The following PTPRF variants were observed in gnomAD, a reference collection of about 807,000 sequenced individuals.
The protein encoded by PTPRF is receptor-type tyrosine-protein phosphatase F.
In PTPRF, 59 loss-of-function variants were observed where a neutral mutation model predicts 201.8. That is an observed-to-expected ratio of 0.29 (90% confidence interval 0.24 to 0.36). The LOEUF (loss-of-function observed/expected upper bound fraction) is 0.36, where lower values mean the gene tolerates loss of function less well. Among genes scored for constraint, PTPRF ranks in the 10% least tolerant of loss-of-function variants. PTPRF has a pLI of 1.00. For synonymous variants in PTPRF, 1,088 were observed against 1,089.7 expected (o/e 1.00, Z 0.03); for missense variants, 2,132 against 2,690.5 (o/e 0.79, Z 4.59).
upstream of PTPRF, among the ~76,000 whole-genome samples, chr1:43,523,845 C>G (rs576570223): frequency 6.6e-6 from 1 of 150,700 alleles, no homozygotes; most frequent in East Asian, 2.0e-4. Context: ...GCCAGGAGTT[C>G]AAGGCCAGCC....
At chr1:43,557,861 T>C (rs374479798) in intron 5 of PTPRF, among the ~76,000 whole-genome samples, 1 of 152,156 alleles carries the variant, frequency 6.6e-6, no homozygotes, top group East Asian at 1.9e-4. Flanking sequence ...GACAAAATGC[T>C]GACTTATCCT....
At chr1:43,612,772 C>T in intron 22 of PTPRF, 1 of 1,365,882 alleles carries the variant, frequency 7.3e-7, no homozygotes, top group Non-Finnish European at 9.8e-7. Flanking sequence ...CTGCAGGTTC[C>T]AGTGTCCCCA....
At chr1:43,596,961 G>A (rs905672087) in intron 11 of PTPRF, among the ~76,000 whole-genome samples, 2 of 152,096 alleles carry the variant, frequency 1.3e-5, no homozygotes, top group African/African-American at 4.8e-5. Context: ...GTGTATATGT[G>A]AGTCTGTGTG....
At position 43,622,143 on chromosome 1, in the gene PTPRF, T is replaced by C; in HGVS notation, c.*140T>C. On this transcript the variant is annotated 3_prime_UTR_variant, in exon 34 of 34. Coordinates refer to ENST00000359947, the MANE Select transcript of PTPRF (RefSeq NM_002840.5). ...AGCACAGCCCACGGGGATCACAGCG[T>C]TTCAGGAACGTTGCCACACCAATCA... is the stretch of plus-strand genomic sequence containing the variant. The C allele has an allele frequency of 1.1e-6, 1 of 884,788 alleles. No individual in the cohort carries two copies. The highest frequency in any genetic ancestry group is 2.6e-5 in the East Asian group (1 of 38,844). 54.8% of individuals were successfully genotyped at this position (884,788 alleles called of 1,614,324 possible).
In PTPRF at chr1:43,553,021, G is replaced by A. The variant is rs758471016; in HGVS notation, c.92-471G>A. Among the ~76,000 whole-genome samples, 1 of 152,130 alleles carries A rather than the reference G, an allele frequency of 6.6e-6. No individual in the cohort carries two copies. The highest frequency in any genetic ancestry group is 1.5e-5 in the Non-Finnish European group (1 of 68,014). ...AGTCTCGGTTCCTGGCCGGAGCCCCGGGGTGGATGGTGGTGCCATCACTGA... is the reference window on the plus strand; with the variant it reads ...AGTCTCGGTTCCTGGCCGGAGCCCCAGGGTGGATGGTGGTGCCATCACTGA... On this transcript the variant is annotated intron_variant, in intron 3 of 33. Transcript: ENST00000359947. This position sits in a 1 kb window ranked among gnomAD's most constrained non-coding sequence, Gnocchi z 4.1.
chr1:43,619,927 G>C lies in PTPRF; in HGVS notation c.5111+69G>C, dbSNP rs921615354. 10 of 1,580,042 alleles carry C rather than the reference G, an allele frequency of 6.3e-6. No individual in the cohort carries two copies. The African/African-American group carries it at 1.3e-4, about 21-fold the overall frequency. Reference sequence around the variant, plus strand: ...AGGCCTGTGCCTGGCTGGTGGGGGTGGGCAGCAGAGTAGGGCCAGCCTAGA... The same window carrying C: ...AGGCCTGTGCCTGGCTGGTGGGGGTCGGCAGCAGAGTAGGGCCAGCCTAGA... On this transcript the variant is annotated intron_variant, in intron 29 of 33. Coordinates refer to ENST00000359947, the MANE Select transcript of PTPRF (RefSeq NM_002840.5).
intron 23 of PTPRF, among the ~76,000 whole-genome samples, chr1:43,615,559 T>TTTC (rs1657579787): frequency 1.6e-5 from 1 of 60,838 alleles, no homozygotes; most frequent in African/African-American, 5.8e-5. Context: ...GTCTTTTTTT[T>TTTC]TTTTTTTTTT....
chr1:43,574,044 T>C (rs1015920799), intron 6 of PTPRF, among the ~76,000 whole-genome samples: 3 of 129,124 alleles, frequency 2.3e-5, no homozygotes, highest in Non-Finnish European at 4.7e-5. Flanking sequence ...GTACCTAGGC[T>C]GGAGTGCAAT....
At chr1:43,582,056 C>T (rs1647804539) in intron 7 of PTPRF, among the ~76,000 whole-genome samples, 1 of 152,216 alleles carries the variant, frequency 6.6e-6, no homozygotes. Flanking sequence ...ACTCTCTTCA[C>T]CTGTGTCCAC....
In PTPRF at chr1:43,605,607, A is replaced by C; in HGVS notation, c.3468A>C (p.Glu1156Asp). The change falls in exon 19 of 34, where the codon GAA becomes GAC. Residue 1156 changes from glutamate (E) to aspartate (D), a missense_variant. This residue lies in a region of PTPRF where 818 missense variants were observed against 915.3 expected (regional missense o/e 0.89). Coordinates refer to ENST00000359947, the MANE Select transcript of PTPRF (RefSeq NM_002840.5). ...MLTPRWSTPE[E>D]LELDELLEAI... is the part of the protein sequence containing the mutation. ...CGCCAAGGTGGAGCACACCCGAGGA[A>C]CTGGAGCTGGACGAGGTACCTGGGG... 1.9e-6 allele frequency: 3 copies of C among 1,614,076 alleles called. No homozygotes were observed. The African/African-American group carries it at 4.0e-5, about 22-fold the overall frequency.
At chr1:43,560,424 A>T (rs1645726098) in intron 5 of PTPRF, among the ~76,000 whole-genome samples, 1 of 151,446 alleles carries the variant, frequency 6.6e-6, no homozygotes, top group African/African-American at 2.4e-5. Flanking sequence ...AGTGCACAGC[A>T]GGTGATGTGC....
chr1:43,605,638 A>T lies in PTPRF; in HGVS notation c.3483+16A>T, dbSNP rs1387516950. ...GCTGGACGAGGTACCTGGGGAGGGG[A>T]TGGGGACACTGACAGCCCCATTGCA... On this transcript the variant is annotated intron_variant, in intron 19 of 33. Coordinates refer to ENST00000359947, the MANE Select transcript of PTPRF (RefSeq NM_002840.5). 2 of 1,610,544 alleles carry T rather than the reference A, an allele frequency of 1.2e-6. No homozygotes were observed. The highest frequency in any genetic ancestry group is 2.2e-5 in the South Asian group (2 of 90,966).
At chr1:43,579,261 C>G in intron 7 of PTPRF, 1 of 527,226 alleles carries the variant, frequency 1.9e-6, no homozygotes, top group Middle Eastern at 2.9e-4. Context: ...TGTGTGCACA[C>G]ACGGGCACAC....
chr1:43,577,807 C>T (rs1389553797), intron 6 of PTPRF, among the ~76,000 whole-genome samples: 1 of 152,172 alleles, frequency 6.6e-6, no homozygotes. Context: ...TTGGACCGTC[C>T]TGTGTGGGTG....
Position 43,617,313 on chromosome 1 carries a change from T to TA in PTPRF, c.4072-131dup, listed in dbSNP as rs1442331555. 12 of 1,319,436 alleles carry TA rather than the reference T, an allele frequency of 9.1e-6. No individual in the cohort carries two copies. The Admixed American group carries it at 2.5e-4, about 28-fold the overall frequency. The allele number at this position is 1,319,436 out of a possible 1,614,324, so 81.7% of individuals were successfully genotyped here. On this transcript the variant is annotated intron_variant, in intron 23 of 33. Transcript: ENST00000359947. ...GAGCTCCATGGCTGGCACCACGAGA[T>TA]AGAGGGCCTGGCTGTGGCCTGTGGA...
At chr1:43,582,931 AG>A (rs1648107057) in intron 7 of PTPRF, among the ~76,000 whole-genome samples, 1 of 152,016 alleles carries the variant, frequency 6.6e-6, no homozygotes, top group African/African-American at 2.4e-5. Flanking sequence ...TGTGTGTGCG[AG>A]GGGGCACAGG....
chr1:43,570,630 G>A (rs1412086897), intron 6 of PTPRF, among the ~76,000 whole-genome samples: 2 of 152,230 alleles, frequency 1.3e-5, no homozygotes, highest in African/African-American at 4.8e-5. Flanking sequence ...GGGCCTGCAG[G>A]CTTCAGAGGT....
chr1:43,533,293 G>T (rs1271134033), intron 1 of PTPRF, among the ~76,000 whole-genome samples: 1 of 152,184 alleles, frequency 6.6e-6, no homozygotes, highest in Non-Finnish European at 1.5e-5. Context: ...AAGAGAGGAG[G>T]GGGTGGTTGG....
upstream of PTPRF, among the ~76,000 whole-genome samples, chr1:43,523,698 A>G (rs1311706492): frequency 6.6e-6 from 1 of 152,202 alleles, no homozygotes; most frequent in Non-Finnish European, 1.5e-5. Context: ...ATTTGACCAA[A>G]TGTTGGATGA....
Sources: gnomAD v4.1 joint callset for allele counts (sites outside exome capture counted in the v4.1 genomes callset) on GRCh38, gnomAD v4.1.1 for gene constraint, gnomAD v4.1.1 regional missense constraint, Gnocchi (gnomAD v3.1) non-coding constraint, MANE v1.5 for transcripts, NCBI Gene and HGNC (gene_info 2026-07-23, HGNC 2026-07-21) for gene names.